The following UMAD1 variants were observed in gnomAD, a reference collection of about 807,000 sequenced individuals.
UMAD1 encodes UBAP1-MVB12-associated (UMA) domain containing 1, also known as UBAP1-MVB12-associated (UMA)-domain containing protein 1.
Under a neutral mutation model 6.1 loss-of-function variants are expected in UMAD1, and 8 were observed. That is an observed-to-expected ratio of 1.30 (90% CI 0.76 to 2.35). The LOEUF (loss-of-function observed/expected upper bound fraction) is 2.35. UMAD1 is among the 30% of genes most tolerant of loss of function. The pLI, the probability that UMAD1 is intolerant of heterozygous loss-of-function variation, is 0.00. For synonymous variants in UMAD1, 56 were observed against 31.4 expected, an observed-to-expected ratio of 1.78 and a Z score of -2.61; for missense variants, 130 against 78.4, an observed-to-expected ratio of 1.66 and a Z score of -2.49.
At chr7:7,697,346 G>C (rs753384414) in intron 2 of UMAD1, among the ~76,000 whole-genome samples, 3 of 152,108 alleles carry the variant, frequency 2.0e-5, no homozygotes, top group Non-Finnish European at 4.4e-5. Flanking sequence ...TGCCAGACAA[G>C]TTGCAGCATT....
intron 1 of UMAD1, among the ~76,000 whole-genome samples, chr7:7,654,893 ACT>A (rs547930374): frequency 2.8e-4 from 30 of 106,988 alleles, no homozygotes; most frequent in African/African-American, 1.1e-3. Flanking sequence ...ACAGAGTAAG[ACT>A]CTGTCTCAAA....
chr7:7,663,545 A>T (rs1048768820), intron 1 of UMAD1, among the ~76,000 whole-genome samples: 2 of 152,188 alleles, frequency 1.3e-5, no homozygotes, highest in African/African-American at 4.8e-5. Context: ...AATACTAATT[A>T]GTAGTCTAAC....
intron 3 of UMAD1, among the ~76,000 whole-genome samples, chr7:7,814,150 A>AT (rs1432189361): frequency 1.3e-5 from 2 of 151,764 alleles, no homozygotes; most frequent in Non-Finnish European, 2.9e-5. Context: ...CGCCCAGCTA[A>AT]TTTTTTTGTA....
chr7:7,706,623 A>G (rs140662543), intron 2 of UMAD1, among the ~76,000 whole-genome samples: 1 of 152,330 alleles, frequency 6.6e-6, no homozygotes, highest in East Asian at 1.9e-4. Flanking sequence ...GTAATAATGA[A>G]GATAACTAAT....
In UMAD1 at chr7:7,877,591, T is replaced by A; in HGVS notation, c.*53T>A. Reference sequence around the variant, plus strand: ...CTTTAAAATATGTTCGCCTATTTTATCTAACCTGTTTGATGTTCTTTGCCG... The same window carrying A: ...CTTTAAAATATGTTCGCCTATTTTAACTAACCTGTTTGATGTTCTTTGCCG... On this transcript the variant is annotated 3_prime_UTR_variant, in exon 4 of 4. Transcript: ENST00000682710. The A allele has an allele frequency of 2.9e-6, 2 of 692,008 alleles. No individual in the cohort carries two copies. The highest frequency in any genetic ancestry group is 5.3e-6 in the Non-Finnish European group (2 of 374,402). 42.9% of individuals were successfully genotyped at this position (692,008 alleles called of 1,614,324 possible).
At chr7:7,742,887 C>T (rs1018107040) in intron 2 of UMAD1, among the ~76,000 whole-genome samples, 7 of 152,166 alleles carry the variant, frequency 4.6e-5, no homozygotes, top group African/African-American at 1.7e-4. Flanking sequence ...CATCAAAGTG[C>T]TGTATGTTCA....
intron 3 of UMAD1, among the ~76,000 whole-genome samples, chr7:7,845,705 A>G (rs759811566): frequency 1.1e-4 from 16 of 152,242 alleles, no homozygotes; most frequent in South Asian, 4.1e-4. Context: ...GGTTTTCCCT[A>G]TGAAAACCTT....
intron 2 of UMAD1, among the ~76,000 whole-genome samples, chr7:7,681,813 A>C (rs1015302661): frequency 6.6e-6 from 1 of 152,148 alleles, no homozygotes; most frequent in Non-Finnish European, 1.5e-5. Context: ...GTTGATTACA[A>C]ATTTACTAGT....
intron 2 of UMAD1, among the ~76,000 whole-genome samples, chr7:7,786,984 T>C (rs1782473247): frequency 6.6e-6 from 1 of 152,206 alleles, no homozygotes; most frequent in Admixed American, 6.5e-5. Flanking sequence ...TCCATGCTAG[T>C]CCTCCAAGCC....
At chr7:7,843,572 C>G (rs557475379) in intron 3 of UMAD1, among the ~76,000 whole-genome samples, 1 of 152,192 alleles carries the variant, frequency 6.6e-6, no homozygotes, top group African/African-American at 2.4e-5. Flanking sequence ...CTATAGTTGT[C>G]TTATTTATTA....
At chr7:7,709,251 A>G (rs567839890) in intron 2 of UMAD1, among the ~76,000 whole-genome samples, 1 of 152,296 alleles carries the variant, frequency 6.6e-6, no homozygotes, top group African/African-American at 2.4e-5. Flanking sequence ...GCATGGGGTT[A>G]CTTTTAATAT....
chr7:7,712,452 CT>C (rs371649097), intron 2 of UMAD1, among the ~76,000 whole-genome samples: 1 of 151,944 alleles, frequency 6.6e-6, no homozygotes, highest in East Asian at 1.9e-4. Flanking sequence ...TCTTAGAGTG[CT>C]TTTTTGTTTT....
At chr7:7,728,363 A>T (rs1392298964) in intron 2 of UMAD1, among the ~76,000 whole-genome samples, 1 of 152,182 alleles carries the variant, frequency 6.6e-6, no homozygotes, top group Non-Finnish European at 1.5e-5. Flanking sequence ...AACCTATCTC[A>T]GGCCGGGCAC....
At chr7:7,862,021 A>G (rs1413970251) in intron 3 of UMAD1, among the ~76,000 whole-genome samples, 1 of 152,148 alleles carries the variant, frequency 6.6e-6, no homozygotes, top group Non-Finnish European at 1.5e-5. Context: ...TTTGTTCTTA[A>G]AAATATATAT....
At chr7:7,715,688 C>T (rs965086364) in intron 2 of UMAD1, among the ~76,000 whole-genome samples, 8 of 152,142 alleles carry the variant, frequency 5.3e-5, no homozygotes, top group East Asian at 1.9e-4. Flanking sequence ...ACCTAAAAGT[C>T]ATAGTTTTAC....
At chr7:7,835,348 G>A (rs1218129720) in intron 3 of UMAD1, among the ~76,000 whole-genome samples, 2 of 141,888 alleles carry the variant, frequency 1.4e-5, no homozygotes, top group Non-Finnish European at 3.0e-5. Flanking sequence ...GCATTTTGCT[G>A]TCACTTTTAT....
chr7:7,727,597 G>C (rs142916635), intron 2 of UMAD1, among the ~76,000 whole-genome samples: 7 of 152,288 alleles, frequency 4.6e-5, no homozygotes, highest in Non-Finnish European at 1.0e-4. Context: ...AATAACATTT[G>C]AGTCAGTGGG....
intron 2 of UMAD1, among the ~76,000 whole-genome samples, chr7:7,725,685 A>T (rs1169448005): frequency 1.3e-5 from 2 of 152,144 alleles, no homozygotes; most frequent in African/African-American, 4.8e-5. Context: ...CATCAAATGG[A>T]AGTGGTATAT....
At chr7:7,750,533 C>G (rs948558153) in intron 2 of UMAD1, among the ~76,000 whole-genome samples, 2 of 152,104 alleles carry the variant, frequency 1.3e-5, no homozygotes, top group Non-Finnish European at 2.9e-5. Flanking sequence ...TCTTTAATGA[C>G]GGCCCATTTT....
Sources: gnomAD v4.1 joint callset for allele counts (sites outside exome capture counted in the v4.1 genomes callset) on GRCh38, gnomAD v4.1.1 for gene constraint, MANE v1.5 for transcripts, NCBI Gene and HGNC (gene_info 2026-07-23, HGNC 2026-07-21) for gene names.